Variants in RALYL observed in about 807,000 individuals in gnomAD.
RALYL encodes the protein RNA-binding Raly-like protein.
A neutral mutation model predicts 35.1 loss-of-function variants in RALYL; 29 were observed. The observed-to-expected ratio is 0.83, with a 90% CI of 0.61 to 1.13. The LOEUF is 1.13. Among genes scored for constraint, RALYL ranks in the 50% most tolerant of loss-of-function variants. The probability of loss-of-function intolerance (pLI) is 0.00; values close to 1 mark genes in which losing one functional copy is unlikely to be tolerated. For missense variants in RALYL, 359 were observed against 360.4 expected (o/e 1.00, Z 0.03); for synonymous variants, 120 against 127.6 (o/e 0.94, Z 0.40).
At chr8:84,871,566 C>A (rs1452822957) in intron 6 of RALYL, among the ~76,000 whole-genome samples, 1 of 152,130 alleles carries the variant, frequency 6.6e-6, no homozygotes, top group African/African-American at 2.4e-5. Flanking sequence ...GCAATTGTGA[C>A]AGATGATGTT....
intron 6 of RALYL, among the ~76,000 whole-genome samples, chr8:84,864,013 A>C (rs931309982): frequency 1.2e-4 from 19 of 152,200 alleles, no homozygotes; most frequent in African/African-American, 4.6e-4. Flanking sequence ...TATTTCTTAC[A>C]TTGGAAAAAA....
At chr8:84,847,176 C>A (rs1563735711) in intron 4 of RALYL, among the ~76,000 whole-genome samples, 1 of 152,228 alleles carries the variant, frequency 6.6e-6, no homozygotes, top group Non-Finnish European at 1.5e-5. Context: ...CAGACAGGAG[C>A]TCCACCTCTG....
intron 1 of RALYL, among the ~76,000 whole-genome samples, chr8:84,209,875 T>C (rs767333893): frequency 5.9e-5 from 9 of 152,204 alleles, no homozygotes; most frequent in Non-Finnish European, 1.2e-4. Flanking sequence ...TATTTCTGAA[T>C]AGGTAGCTAT....
chr8:84,803,251 A>G (rs1011126029), intron 3 of RALYL, among the ~76,000 whole-genome samples: 2 of 152,204 alleles, frequency 1.3e-5, no homozygotes, highest in Non-Finnish European at 2.9e-5. Flanking sequence ...GTGGAAAATA[A>G]AGTAGTACCA....
intron 2 of RALYL, among the ~76,000 whole-genome samples, chr8:84,580,409 C>T (rs1810547162): frequency 6.6e-6 from 1 of 152,040 alleles, no homozygotes; most frequent in African/African-American, 2.4e-5. Context: ...CCTCAGGCAG[C>T]TTTCACTCAA....
chr8:84,261,191 C>T (rs1832221354), intron 1 of RALYL, among the ~76,000 whole-genome samples: 1 of 151,148 alleles, frequency 6.6e-6, no homozygotes, highest in South Asian at 2.1e-4. Context: ...TTAAAAATAT[C>T]TGATTTAGTT....
chr8:84,590,859 A>G (rs1813088301), intron 2 of RALYL, among the ~76,000 whole-genome samples: 2 of 152,072 alleles, frequency 1.3e-5, no homozygotes, highest in East Asian at 3.9e-4. Context: ...TAAGACTTCC[A>G]GCTTGTATTT....
intron 1 of RALYL, among the ~76,000 whole-genome samples, chr8:84,469,910 C>T (rs145281572): frequency 0.015 from 2,238 of 152,260 alleles, 58 homozygotes; most frequent in African/African-American, 0.051. Flanking sequence ...TTCCAGGTGC[C>T]GTCTGTCAGC....
chr8:84,915,781 T>A (rs547887367), intron 8 of RALYL, among the ~76,000 whole-genome samples: 2 of 152,206 alleles, frequency 1.3e-5, no homozygotes, highest in East Asian at 1.9e-4. Flanking sequence ...CATTACATCT[T>A]ATCAAACTAA....
At chr8:84,259,283 A>T (rs1320585615) in intron 1 of RALYL, among the ~76,000 whole-genome samples, 1 of 152,176 alleles carries the variant, frequency 6.6e-6, no homozygotes, top group Non-Finnish European at 1.5e-5. Context: ...TGCAGAAGAA[A>T]TGTTGCATAG....
intron 1 of RALYL, among the ~76,000 whole-genome samples, chr8:84,294,554 A>T (rs551117460): frequency 6.6e-6 from 1 of 152,198 alleles, no homozygotes; most frequent in South Asian, 2.1e-4. Context: ...CTATCAATTC[A>T]TTATTCTAAA....
At chr8:84,657,506 G>A (rs1473336967) in intron 2 of RALYL, among the ~76,000 whole-genome samples, 1 of 152,194 alleles carries the variant, frequency 6.6e-6, no homozygotes, top group Non-Finnish European at 1.5e-5. Flanking sequence ...TCCTCAAACA[G>A]TGCATTAGTA....
intron 1 of RALYL, among the ~76,000 whole-genome samples, chr8:84,211,425 G>A (rs557660214): frequency 1.5e-4 from 23 of 152,182 alleles, no homozygotes; most frequent in African/African-American, 5.5e-4. Context: ...TTAAATGACT[G>A]CAGCAACTTG....
chr8:84,760,656 A>G (rs865881720), intron 2 of RALYL, among the ~76,000 whole-genome samples: 3 of 152,096 alleles, frequency 2.0e-5, no homozygotes, highest in African/African-American at 7.2e-5. Flanking sequence ...TCAAAATGTT[A>G]AGCAAAATTC....
At chr8:84,787,450 T>C (rs934722046) in intron 3 of RALYL, among the ~76,000 whole-genome samples, 2 of 152,222 alleles carry the variant, frequency 1.3e-5, no homozygotes, top group Non-Finnish European at 2.9e-5. Context: ...GTTCCAAGTC[T>C]TTGCTATTGT....
At chr8:84,187,399 A>G (rs1433618726) in intron 1 of RALYL, among the ~76,000 whole-genome samples, 1 of 152,124 alleles carries the variant, frequency 6.6e-6, no homozygotes, top group East Asian at 1.9e-4. Context: ...TTGAAGATTA[A>G]CAGTTAATTA....
intron 1 of RALYL, among the ~76,000 whole-genome samples, chr8:84,417,665 T>C (rs969349839): frequency 2.6e-5 from 4 of 152,042 alleles, no homozygotes; most frequent in Non-Finnish European, 5.9e-5. Context: ...ATCAACAGTG[T>C]GGATTCCTTT....
At chr8:84,374,236 A>G (rs934174473) in intron 1 of RALYL, among the ~76,000 whole-genome samples, 1 of 151,920 alleles carries the variant, frequency 6.6e-6, no homozygotes, top group Admixed American at 6.6e-5. Flanking sequence ...AGGACTTCCA[A>G]TACTATCATG....
intron 2 of RALYL, among the ~76,000 whole-genome samples, chr8:84,677,509 G>A (rs1376286753): frequency 1.3e-5 from 2 of 152,100 alleles, no homozygotes; most frequent in Non-Finnish European, 2.9e-5. Flanking sequence ...ATTTCTTAAT[G>A]ATCTGAACAA....
Sources: allele counts gnomAD v4.1 joint callset (sites outside exome capture counted in the v4.1 genomes callset), GRCh38; gene constraint gnomAD v4.1.1; transcripts MANE v1.5; gene names NCBI Gene and HGNC (gene_info 2026-07-23, HGNC 2026-07-21).